CYBRD1: variants seen among roughly 807,000 people sequenced by gnomAD.
CYBRD1 encodes cytochrome b reductase 1, also known as plasma membrane ascorbate-dependent reductase CYBRD1.
A neutral mutation model predicts 21.9 loss-of-function variants in CYBRD1; 14 were observed. That is an observed-to-expected ratio of 0.64 (90% CI 0.42 to 1.00). The LOEUF (loss-of-function observed/expected upper bound fraction) is 1.00, where lower values mean the gene tolerates loss of function less well. Among genes scored for constraint, CYBRD1 ranks in the 50% least tolerant of loss-of-function variants. The pLI is 0.00. For missense variants in CYBRD1, 328 were observed against 352.5 expected, an observed-to-expected ratio of 0.93 and a Z score of 0.56; for synonymous variants, 146 against 136.5, an observed-to-expected ratio of 1.07 and a Z score of -0.48.
rs553321272 is a variant in CYBRD1, at chr2:171,522,753, TGG to T, written c.193+21_193+22del. ...CCAGGGCATCGGTACTGGCACCTCC[TGG>T]GGGGGTGCGGGGAGGAAAGCGGGGA... is the stretch of plus-strand genomic sequence containing the variant. On this transcript the variant is annotated intron_variant, in intron 1 of 3. Coordinates refer to ENST00000321348, the MANE Select transcript of CYBRD1 (RefSeq NM_024843.4). The surrounding 1 kb of genome is among the most constrained non-coding windows in gnomAD (Gnocchi z 4.3). 1 of 1,612,190 alleles carries T rather than the reference TGG, an allele frequency of 6.2e-7. No individual in the cohort carries two copies. The highest frequency in any genetic ancestry group is 8.5e-7 in the Non-Finnish European group (1 of 1,179,540).
chr2:171,541,148 A>G, intron 1 of CYBRD1: 1 of 196,314 alleles, frequency 5.1e-6, no homozygotes, highest in Non-Finnish European at 1.1e-5. Context: ...GATAAGTTTG[A>G]GATGTCTGGG....
chr2:171,545,799 G>C (rs1013907423), intron 2 of CYBRD1, among the ~76,000 whole-genome samples: 6 of 151,714 alleles, frequency 4.0e-5, no homozygotes, highest in African/African-American at 7.3e-5. Flanking sequence ...AGGGTAATTG[G>C]GATACCCATT....
At chr2:171,533,426 A>G (rs1697499555) in intron 1 of CYBRD1, among the ~76,000 whole-genome samples, 1 of 152,230 alleles carries the variant, frequency 6.6e-6, no homozygotes, top group Non-Finnish European at 1.5e-5. Flanking sequence ...GCTCTATGCT[A>G]AATACTGGGA....
intron 1 of CYBRD1, among the ~76,000 whole-genome samples, chr2:171,528,139 G>A (rs529734007): frequency 6.6e-6 from 1 of 152,158 alleles, no homozygotes; most frequent in South Asian, 2.1e-4. Context: ...AGGCTGGAGT[G>A]CAATGGTGTG....
intron 1 of CYBRD1, among the ~76,000 whole-genome samples, chr2:171,534,870 C>T (rs1697523129): frequency 6.6e-6 from 1 of 152,152 alleles, no homozygotes; most frequent in Non-Finnish European, 1.5e-5. Flanking sequence ...AGATTTTCAG[C>T]AACATAAAAT....
intron 2 of CYBRD1, among the ~76,000 whole-genome samples, chr2:171,544,972 G>A (rs1697687767): frequency 6.6e-6 from 1 of 151,752 alleles, no homozygotes; most frequent in African/African-American, 2.4e-5. Context: ...AACCCCGTCT[G>A]TACAAAAGAT....
In CYBRD1 at chr2:171,541,764, C is replaced by T; in HGVS notation, c.373C>T (p.Leu125=). The change falls in exon 2 of 4, where the codon CTG becomes TTG. Residue 125 remains leucine, a synonymous_variant. Transcript: ENST00000321348. The part of the protein sequence containing the change: ...NMYSLHSWVG[L]IAVICYLLQL... ...GTACAGTCTGCACAGCTGGGTTGGA[C>T]TGATAGCTGTCATATGCTATTTGTT... is the stretch of plus-strand genomic sequence containing the variant. 6.2e-7 allele frequency: 1 copy of T among 1,613,094 alleles called. No homozygotes were observed. Among genetic ancestry groups the T allele is most frequent in the Non-Finnish European group, 8.5e-7 (1 of 1,179,862 alleles).
At chr2:171,527,843 C>A (rs1265454857) in intron 1 of CYBRD1, among the ~76,000 whole-genome samples, 1 of 152,072 alleles carries the variant, frequency 6.6e-6, no homozygotes, top group Non-Finnish European at 1.5e-5. Context: ...TCTCTGCTTG[C>A]CTTACTATGA....
At chr2:171,536,451 A>G (rs942296999) in intron 1 of CYBRD1, among the ~76,000 whole-genome samples, 3 of 152,108 alleles carry the variant, frequency 2.0e-5, no homozygotes, top group African/African-American at 7.2e-5. Context: ...GATTACAGAC[A>G]TGCACCACCA....
intron 2 of CYBRD1, among the ~76,000 whole-genome samples, chr2:171,543,153 C>T (rs13430202): frequency 0.088 from 13,419 of 152,206 alleles, 716 homozygotes; most frequent in Middle Eastern, 0.17. Flanking sequence ...CCTCACAGTA[C>T]CTGTACATCA....
intron 3 of CYBRD1, 103 bp downstream of exon 3, chr2:171,553,603 T>C (rs941322262): frequency 2.5e-5 from 26 of 1,024,036 alleles, no homozygotes; most frequent in Admixed American, 3.5e-5. Flanking sequence ...TTTTTAGATA[T>C]TAAAATTAAA....
intron 1 of CYBRD1, among the ~76,000 whole-genome samples, chr2:171,529,359 C>G (rs1485898950): frequency 6.6e-6 from 1 of 151,870 alleles, no homozygotes; most frequent in Non-Finnish European, 1.5e-5. Context: ...TGGAGAAACC[C>G]CATCTCTACT....
intron 2 of CYBRD1, among the ~76,000 whole-genome samples, chr2:171,550,020 T>A (rs1385798328): frequency 6.6e-6 from 1 of 152,202 alleles, no homozygotes; most frequent in Non-Finnish European, 1.5e-5. Flanking sequence ...GGCAGTTTGT[T>A]AAAAATACAG....
At chr2:171,553,293 ATTAGT>A in intron 2 of CYBRD1, 48 bp from the exon 3 acceptor site, 2 of 1,590,882 alleles carry the variant, frequency 1.3e-6, no homozygotes, top group Non-Finnish European at 1.7e-6. Context: ...ATAATTTAAA[ATTAGT>A]TTAGAACTTA....
rs1683480556 is a variant in CYBRD1, at chr2:171,555,961, G to A, written c.*1134G>A. On this transcript the variant is annotated 3_prime_UTR_variant, in exon 4 of 4. Transcript: ENST00000321348. Reference sequence around the variant, plus strand: ...GAATAAACCTCAATTGCTGGAGTGGGGTGTAGTTATTAAAGGGATGCTTTT... The same window carrying A: ...GAATAAACCTCAATTGCTGGAGTGGAGTGTAGTTATTAAAGGGATGCTTTT... The A allele has an allele frequency of 6.6e-6, 1 of 152,300 alleles. No individual in the cohort carries two copies. Among genetic ancestry groups the A allele is most frequent in the Non-Finnish European group, 1.5e-5 (1 of 68,032 alleles). The allele number at this position is 152,300 out of a possible 1,614,324, so 9.4% of individuals were successfully genotyped here.
intron 2 of CYBRD1, among the ~76,000 whole-genome samples, chr2:171,549,515 G>A (rs76755117): frequency 0.025 from 3,747 of 152,272 alleles, 136 homozygotes; most frequent in African/African-American, 0.085. Flanking sequence ...CACACTGCCT[G>A]TGGGGTATTC....
chr2:171,542,601 A>G (rs1050132832), intron 2 of CYBRD1, among the ~76,000 whole-genome samples: 1 of 152,248 alleles, frequency 6.6e-6, no homozygotes, highest in Non-Finnish European at 1.5e-5. Flanking sequence ...CTGGCTGGGC[A>G]TAGTGCACTG....
intron 1 of CYBRD1, among the ~76,000 whole-genome samples, chr2:171,531,027 T>C (rs1697457525): frequency 6.6e-6 from 1 of 151,490 alleles, no homozygotes; most frequent in African/African-American, 2.4e-5. Context: ...TGCTGGTGTG[T>C]GTTGGTAAGT....
At chr2:171,538,595 G>C (rs955008108) in intron 1 of CYBRD1, among the ~76,000 whole-genome samples, 4 of 152,156 alleles carry the variant, frequency 2.6e-5, no homozygotes, top group African/African-American at 9.7e-5. Flanking sequence ...TCAGGGTTGG[G>C]ATTAAGTAAA....
Sources: gnomAD v4.1 joint callset for allele counts (sites outside exome capture counted in the v4.1 genomes callset) on GRCh38, gnomAD v4.1.1 for gene constraint, Gnocchi (gnomAD v3.1) non-coding constraint, MANE v1.5 for transcripts, NCBI Gene and HGNC (gene_info 2026-07-23, HGNC 2026-07-21) for gene names.